The following ERAP1 variants were observed in gnomAD, a reference collection of about 807,000 sequenced individuals.
The protein encoded by ERAP1 is endoplasmic reticulum aminopeptidase 1.
A neutral mutation model predicts 103.7 loss-of-function variants in ERAP1; 86 were observed. That is an observed-to-expected ratio of 0.83 (90% CI 0.70 to 0.99). The LOEUF (loss-of-function observed/expected upper bound fraction) is 0.99, where lower values mean the gene tolerates loss of function less well. Ranked by LOEUF, ERAP1 falls within the 50% of genes least tolerant of loss-of-function variation. The pLI, the probability that ERAP1 is intolerant of heterozygous loss-of-function variation, is 0.00. For synonymous variants in ERAP1, 398 were observed against 402.4 expected (o/e 0.99, Z 0.13); for missense variants, 1,009 against 1,128.4 (o/e 0.89, Z 1.52).
At chr5:96,913,503 C>T in the ERAP1 span, 1 of 1,597,962 alleles carries the variant, frequency 6.3e-7, no homozygotes, top group East Asian at 2.2e-5. Context: ...ATGCAGATGT[C>T]TCAGTTGCCT....
the ERAP1 span, among the ~76,000 whole-genome samples, chr5:96,822,169 T>C: frequency 6.6e-6 from 1 of 152,232 alleles, no homozygotes; most frequent in Non-Finnish European, 1.5e-5. Flanking sequence ...TTCCTTTTCA[T>C]TTATCTTGCT....
At chr5:96,769,670 A>G (rs1181931819), downstream of ERAP1, 1 of 151,956 alleles carries the variant, frequency 6.6e-6, no homozygotes, top group Non-Finnish European at 1.5e-5. Context: ...GTTATACATT[A>G]ACTCTCTACA....
At chr5:96,915,900 T>C in the ERAP1 span, 6 of 684,446 alleles carry the variant, frequency 8.8e-6, no homozygotes, top group Non-Finnish European at 1.4e-5. Flanking sequence ...CAATGCCATA[T>C]AGCAAGTAAA....
chr5:96,921,600 T>C, the ERAP1 span, among the ~76,000 whole-genome samples: 992 of 152,328 alleles, frequency 6.5e-3, 17 homozygotes, highest in African/African-American at 0.023. Context: ...TTCCCAACCA[T>C]AAATTCAAGA....
intron 10 of ERAP1, among the ~76,000 whole-genome samples, chr5:96,790,019 T>A (rs1776547291): frequency 6.6e-6 from 1 of 152,242 alleles, no homozygotes; most frequent in Non-Finnish European, 1.5e-5. Flanking sequence ...TAATCTGCTA[T>A]AGAAACATGT....
exon 20 of ERAP1, chr5:96,762,820 G>A (rs541103680): frequency 1.1e-5 from 3 of 268,644 alleles, no homozygotes; most frequent in South Asian, 1.3e-4. Flanking sequence ...TTTTACAAAC[G>A]TCATGGAATA....
At chr5:96,894,046 G>T in the ERAP1 span, among the ~76,000 whole-genome samples, 82,660 of 152,034 alleles carry the variant, frequency 0.54, 22,541 homozygotes, top group South Asian at 0.59. Context: ...CAAAGACATT[G>T]ATCTTAGCAC....
At chr5:96,867,011 ATT>A in the ERAP1 span, among the ~76,000 whole-genome samples, 6,597 of 136,642 alleles carry the variant, frequency 0.048, 153 homozygotes, top group South Asian at 0.063. Context: ...CCTTTCTGAT[ATT>A]TTTTTTTTTT....
At chr5:96,885,892 A>T in the ERAP1 span, among the ~76,000 whole-genome samples, 173 of 152,366 alleles carry the variant, frequency 1.1e-3, no homozygotes, top group African/African-American at 3.9e-3. Context: ...AGCTGACGAG[A>T]CTGCAGGCTG....
chr5:96,798,511 G>C (rs772100540), intron 3 of ERAP1, among the ~76,000 whole-genome samples: 2 of 151,928 alleles, frequency 1.3e-5, no homozygotes, highest in Non-Finnish European at 2.9e-5. Context: ...GCCAGAATTA[G>C]CTGGGTGAAA....
the ERAP1 span, among the ~76,000 whole-genome samples, chr5:96,858,934 C>T: frequency 6.6e-6 from 1 of 152,136 alleles, no homozygotes; most frequent in Non-Finnish European, 1.5e-5. Flanking sequence ...ACAAATCCAA[C>T]AACATCACAA....
At chr5:96,883,905 A>G in the ERAP1 span, 50 of 1,612,196 alleles carry the variant, frequency 3.1e-5, no homozygotes, top group Non-Finnish European at 4.2e-5. Context: ...GAGAGCAGGC[A>G]TATTGCACTA....
the ERAP1 span, chr5:96,901,724 T>C: frequency 1.3e-6 from 2 of 1,584,218 alleles, no homozygotes; most frequent in African/African-American, 2.7e-5. Flanking sequence ...CTCATCTCAG[T>C]TTCCTCGTTA....
the ERAP1 span, among the ~76,000 whole-genome samples, chr5:96,913,051 ATTG>A: frequency 1.2e-4 from 18 of 152,352 alleles, no homozygotes; most frequent in South Asian, 3.5e-3. Flanking sequence ...AAGAAAAATT[ATTG>A]TTGTAAAAAT....
the ERAP1 span, among the ~76,000 whole-genome samples, chr5:96,910,725 G>C: frequency 2.6e-5 from 4 of 152,154 alleles, no homozygotes; most frequent in African/African-American, 4.8e-5. Context: ...AAAAATATGT[G>C]ATTAAATATT....
At chr5:96,930,679 C>T in the ERAP1 span, among the ~76,000 whole-genome samples, 3 of 152,156 alleles carry the variant, frequency 2.0e-5, no homozygotes, top group Non-Finnish European at 2.9e-5. Context: ...GTTCAAATAC[C>T]CCTCTCCTCC....
At chr5:96,917,777 G>A in the ERAP1 span, 2 of 401,668 alleles carry the variant, frequency 5.0e-6, no homozygotes, top group Non-Finnish European at 9.0e-6. Flanking sequence ...ATGGTGGCAG[G>A]TGCCTGTAGT....
At chr5:96,920,792 C>T in the ERAP1 span, among the ~76,000 whole-genome samples, 1 of 152,222 alleles carries the variant, frequency 6.6e-6, no homozygotes, top group Admixed American at 6.5e-5. Context: ...ATCTTAATCT[C>T]ATCAAAGCCA....
the ERAP1 span, among the ~76,000 whole-genome samples, chr5:96,836,176 G>GTTTTTTTTTTTTTTTTTTTT: frequency 1.9e-5 from 2 of 106,682 alleles, no homozygotes; most frequent in Non-Finnish European, 1.8e-5. Context: ...CACCTCTTTG[G>GTTTTTTTTTTTTTTTTTTTT]TTTTTTTTTT....
Sources: gnomAD v4.1 joint callset for allele counts (sites outside exome capture counted in the v4.1 genomes callset) on GRCh38, gnomAD v4.1.1 for gene constraint, MANE v1.5 for transcripts, NCBI Gene and HGNC (gene_info 2026-07-23, HGNC 2026-07-21) for gene names.